Variants in KLHL32 observed in about 807,000 individuals in gnomAD.
KLHL32 encodes kelch like family member 32, also known as kelch-like protein 32.
A neutral mutation model predicts 64.8 loss-of-function variants in KLHL32; 35 were observed. That is an observed-to-expected ratio of 0.54 (90% CI 0.41 to 0.72). The LOEUF is 0.72. KLHL32 is among the 30% of genes least tolerant of loss of function. The pLI, the probability that KLHL32 is intolerant of heterozygous loss-of-function variation, is 0.00. For synonymous variants in KLHL32, 259 were observed against 281.0 expected, an observed-to-expected ratio of 0.92 and a Z score of 0.78; for missense variants, 589 against 768.5, an observed-to-expected ratio of 0.77 and a Z score of 2.76.
At chr6:97,118,505 G>A (rs1798039288) in intron 7 of KLHL32, among the ~76,000 whole-genome samples, 1 of 151,846 alleles carries the variant, frequency 6.6e-6, no homozygotes, top group Non-Finnish European at 1.5e-5. Flanking sequence ...TGTAATCGCA[G>A]CTACTTGGGA....
intron 5 of KLHL32, among the ~76,000 whole-genome samples, chr6:97,067,713 A>T (rs1263253327): frequency 6.6e-6 from 1 of 152,118 alleles, no homozygotes; most frequent in African/African-American, 2.4e-5. Context: ...CAGAACTAGG[A>T]TGTTGATCTG....
chr6:97,075,515 A>T (rs1289392847), intron 5 of KLHL32, among the ~76,000 whole-genome samples: 1 of 152,192 alleles, frequency 6.6e-6, no homozygotes, highest in Non-Finnish European at 1.5e-5. Context: ...TGTTGAGAAA[A>T]TTCACAGAGC....
At chr6:97,047,034 T>C (rs1397448771) in intron 4 of KLHL32, among the ~76,000 whole-genome samples, 3 of 152,188 alleles carry the variant, frequency 2.0e-5, no homozygotes, top group South Asian at 4.1e-4. Flanking sequence ...ATTGGAAGTA[T>C]AGAGTGGGAG....
At chr6:97,043,587 A>G (rs1766503) in intron 4 of KLHL32, among the ~76,000 whole-genome samples, 26,049 of 152,098 alleles carry the variant, frequency 0.17, 2,593 homozygotes, top group African/African-American at 0.29. Context: ...CCAGAAGTGG[A>G]ATTGCTGGTT....
intron 3 of KLHL32, among the ~76,000 whole-genome samples, chr6:97,004,509 C>G (rs1456303158): frequency 6.6e-6 from 1 of 152,100 alleles, no homozygotes; most frequent in Non-Finnish European, 1.5e-5. Flanking sequence ...ACTTCCAGTG[C>G]TGTGTTGAAT....
chr6:97,111,033 G>GTA (rs373739395), intron 6 of KLHL32, among the ~76,000 whole-genome samples: 1,565 of 151,170 alleles, frequency 0.01, 29 homozygotes, highest in African/African-American at 0.037. Context: ...AAAGTCTTGG[G>GTA]GGGGGGGGGT....
At chr6:97,094,933 TGGTGC>T (rs1156330114) in intron 6 of KLHL32, among the ~76,000 whole-genome samples, 1 of 152,196 alleles carries the variant, frequency 6.6e-6, no homozygotes, top group Admixed American at 6.6e-5. Context: ...GAGTGATGGA[TGGTGC>T]GTTAAAGTTT....
chr6:96,977,140 T>A (rs920825795), intron 3 of KLHL32, among the ~76,000 whole-genome samples: 1 of 152,254 alleles, frequency 6.6e-6, no homozygotes, highest in African/African-American at 2.4e-5. Flanking sequence ...TTCTTGTGAT[T>A]CACATGGTGA....
At chr6:97,062,581 T>C (rs1262146626) in intron 4 of KLHL32, 1 of 152,246 alleles carries the variant, frequency 6.6e-6, no homozygotes, top group African/African-American at 2.4e-5. Flanking sequence ...CCTTTTTTCT[T>C]TCTTATAAAA....
At chr6:97,103,979 A>G (rs2128200390) in intron 6 of KLHL32, among the ~76,000 whole-genome samples, 1 of 152,346 alleles carries the variant, frequency 6.6e-6, no homozygotes, top group East Asian at 1.9e-4. Flanking sequence ...TTTATTTTAA[A>G]AATGAGAGCC....
At chr6:97,090,701 C>G (rs1267766015) in intron 6 of KLHL32, among the ~76,000 whole-genome samples, 1 of 152,232 alleles carries the variant, frequency 6.6e-6, no homozygotes. Flanking sequence ...ATTTGAATAT[C>G]ACATCACAGT....
intron 3 of KLHL32, among the ~76,000 whole-genome samples, chr6:96,981,332 A>G (rs12665476): frequency 0.2 from 30,226 of 152,056 alleles, 3,245 homozygotes; most frequent in African/African-American, 0.27. Flanking sequence ...ACTAAATTAT[A>G]TCTTGTGCAC....
intron 1 of KLHL32, among the ~76,000 whole-genome samples, chr6:96,952,597 A>G (rs1233237114): frequency 6.6e-6 from 1 of 152,216 alleles, no homozygotes; most frequent in Non-Finnish European, 1.5e-5. Flanking sequence ...TTCCTTGTTC[A>G]GGGACTGAAA....
chr6:97,050,911 G>T (rs1445997075), intron 4 of KLHL32, among the ~76,000 whole-genome samples: 1 of 152,192 alleles, frequency 6.6e-6, no homozygotes, highest in East Asian at 1.9e-4. Context: ...GCTGAGGCAG[G>T]AGAACCGCTT....
chr6:97,064,641 C>T lies in KLHL32; in HGVS notation c.326C>T (p.Pro109Leu). 6.2e-7 allele frequency: 1 copy of T among 1,613,892 alleles called. No individual in the cohort carries two copies. Among genetic ancestry groups the T allele is most frequent in the Non-Finnish European group, 8.5e-7 (1 of 1,179,878 alleles). Reference sequence around the variant, plus strand: ...CAAACAAAACAGATTTTGCTGGAGCCAGGTGTGATCCAGGATGTGCTAGCA... The same window carrying T: ...CAAACAAAACAGATTTTGCTGGAGCTAGGTGTGATCCAGGATGTGCTAGCA... ...FAYTGQILLE[P>L]GVIQDVLAAG... The change falls in exon 5 of 11, where the codon CCA becomes CTA. Residue 109 changes from proline to leucine, a missense_variant. By Grantham distance (98) the Pro-to-Leu change is moderately conservative (BLOSUM62 -3). Transcript: ENST00000369261.
At chr6:96,953,505 C>A (rs1456623218) in intron 1 of KLHL32, among the ~76,000 whole-genome samples, 1 of 152,036 alleles carries the variant, frequency 6.6e-6, no homozygotes, top group East Asian at 1.9e-4. Context: ...TGGCACATAA[C>A]TGTAATCCAA....
At chr6:96,908,226 A>G in the KLHL32 span, among the ~76,000 whole-genome samples, 1 of 152,244 alleles carries the variant, frequency 6.6e-6, no homozygotes. Context: ...TTTCAAGATA[A>G]GTCAAAGGTT....
chr6:97,098,944 T>C (rs1308542266), intron 6 of KLHL32, among the ~76,000 whole-genome samples: 2 of 152,232 alleles, frequency 1.3e-5, no homozygotes, highest in Non-Finnish European at 2.9e-5. Context: ...TAATGCAAAG[T>C]TTAATTTTCA....
chr6:96,931,595 G>C (rs558849004), intron 1 of KLHL32, among the ~76,000 whole-genome samples: 1 of 152,164 alleles, frequency 6.6e-6, no homozygotes, highest in South Asian at 2.1e-4. Context: ...TATTTCTAAA[G>C]ATATAGTGCA....
Sources: gnomAD v4.1 joint callset for allele counts (sites outside exome capture counted in the v4.1 genomes callset) on GRCh38, gnomAD v4.1.1 for gene constraint, MANE v1.5 for transcripts, NCBI Gene and HGNC (gene_info 2026-07-23, HGNC 2026-07-21) for gene names.